SNX29: variants seen among roughly 807,000 people sequenced by gnomAD.
SNX29 encodes the protein sorting nexin-29.
A neutral mutation model predicts 102.1 loss-of-function variants in SNX29; 78 were observed. The observed-to-expected ratio is 0.76, with a 90% CI of 0.64 to 0.92. The LOEUF is 0.92. Among genes scored for constraint, SNX29 ranks in the 40% least tolerant of loss-of-function variants. SNX29 has a pLI of 0.00. For missense variants in SNX29, 1,280 were observed against 1,061.7 expected, an observed-to-expected ratio of 1.21 and a Z score of -2.86; for synonymous variants, 580 against 414.5, an observed-to-expected ratio of 1.40 and a Z score of -4.85.
At position 12,568,826 on chromosome 16, in the gene SNX29, C is replaced by G. The variant is rs572996130; in HGVS notation, c.*197C>G. The G allele has an allele frequency of 1.6e-4, 137 of 838,728 alleles. 1 individual carries two copies. In the African/African-American group the frequency reaches 2.0e-3, roughly 13 times the overall value. 52.0% of individuals were successfully genotyped at this position (838,728 alleles called of 1,614,324 possible). On this transcript the variant is annotated 3_prime_UTR_variant, in exon 21 of 21. Coordinates refer to ENST00000566228, the MANE Select transcript of SNX29 (RefSeq NM_032167.5). ...CCGCATGATACCGTGACCCGAGAGACCAAGGCAGCACCTCGCTGGAGAGAC... is the reference window on the plus strand; with the variant it reads ...CCGCATGATACCGTGACCCGAGAGAGCAAGGCAGCACCTCGCTGGAGAGAC...
chr16:12,280,354 G>A (rs917297105), intron 15 of SNX29, among the ~76,000 whole-genome samples: 4 of 152,204 alleles, frequency 2.6e-5, no homozygotes, highest in African/African-American at 7.2e-5. Context: ...GCTGACCTGA[G>A]CTGAGATGTG....
intron 3 of SNX29, among the ~76,000 whole-genome samples, chr16:12,019,109 A>G (rs1375051936): frequency 6.6e-6 from 1 of 152,244 alleles, no homozygotes; most frequent in East Asian, 1.9e-4. Context: ...CAAGGCAATA[A>G]TATTTCTGGT....
chr16:12,085,357 C>T (rs9932834), intron 11 of SNX29, among the ~76,000 whole-genome samples: 2,202 of 152,272 alleles, frequency 0.014, 58 homozygotes, highest in African/African-American at 0.049. Flanking sequence ...GACGGCGTCT[C>T]GCTCTGTTGG....
In SNX29 at chr16:12,571,358, T is replaced by A. The variant is rs1055924436; in HGVS notation, c.*2729T>A. The stretch of plus-strand genomic sequence containing the variant: ...AATTCTGAGGGCTAAGCCACGACCT[T>A]ATCCATGAGTGGCGAAGACACCCCT... On this transcript the variant is annotated 3_prime_UTR_variant, in exon 21 of 21. Transcript: ENST00000566228. 1 of 231,196 alleles carries A rather than the reference T, an allele frequency of 4.3e-6. No homozygotes were observed. Among genetic ancestry groups the A allele is most frequent in the African/African-American group, 2.2e-5 (1 of 45,202 alleles). 14.3% of individuals were successfully genotyped at this position (231,196 alleles called of 1,614,324 possible). A position where few individuals can be genotyped will look rare whatever the true frequency, so the allele number is the denominator to read the frequency against.
At chr16:12,549,148 C>G (rs865952140) in intron 20 of SNX29, among the ~76,000 whole-genome samples, 3 of 151,888 alleles carry the variant, frequency 2.0e-5, no homozygotes, top group Non-Finnish European at 1.5e-5. Context: ...TTTGATTTAG[C>G]AGTTATCACA....
At chr16:12,449,388 T>C (rs562404067) in intron 18 of SNX29, among the ~76,000 whole-genome samples, 31 of 151,924 alleles carry the variant, frequency 2.0e-4, no homozygotes, top group Non-Finnish European at 3.4e-4. Context: ...ACAGGGATCA[T>C]GGCATATGTG....
chr16:12,468,911 C>T (rs1468376070), intron 18 of SNX29, among the ~76,000 whole-genome samples: 26 of 152,234 alleles, frequency 1.7e-4, no homozygotes, highest in Non-Finnish European at 1.5e-5. Flanking sequence ...TCTTTGGGCA[C>T]TTCCGGCCAT....
At chr16:12,531,491 G>A (rs1597773508) in intron 20 of SNX29, among the ~76,000 whole-genome samples, 1 of 152,332 alleles carries the variant, frequency 6.6e-6, no homozygotes, top group South Asian at 2.1e-4. Flanking sequence ...CCTACCAAGA[G>A]GGGACGTGGG....
chr16:12,187,516 C>G (rs1181999814), intron 13 of SNX29, among the ~76,000 whole-genome samples: 2 of 151,792 alleles, frequency 1.3e-5, no homozygotes. Flanking sequence ...CCACTGCACT[C>G]CAGCCTGGGT....
At chr16:12,054,546 C>T (rs1242144035) in intron 8 of SNX29, among the ~76,000 whole-genome samples, 4 of 152,212 alleles carry the variant, frequency 2.6e-5, no homozygotes, top group African/African-American at 7.2e-5. Flanking sequence ...TTCCTTTCCG[C>T]CTGCTAGCTT....
At chr16:12,487,543 A>C (rs551568044) in intron 19 of SNX29, among the ~76,000 whole-genome samples, 4 of 152,182 alleles carry the variant, frequency 2.6e-5, no homozygotes, top group Admixed American at 1.3e-4. Flanking sequence ...GAACTCTGCA[A>C]ATGCCGCCGC....
rs145442850 is a variant in SNX29, at chr16:12,425,402, A to T, written c.2037+21873A>T. On this transcript the variant is annotated intron_variant, in intron 18 of 20. Coordinates refer to ENST00000566228, the MANE Select transcript of SNX29 (RefSeq NM_032167.5). ...GGCCTCTGGTCTCTGGATGATGCCC[A>T]TGTATTTATCACTTAGTCACCGGAG... 2.8e-4 allele frequency among the ~76,000 whole-genome samples: 42 copies of T among 152,152 alleles called. No homozygotes were observed. The East Asian group carries it at 6.4e-3, about 23-fold the overall frequency.
At chr16:12,520,973 C>T (rs937109459) in intron 19 of SNX29, among the ~76,000 whole-genome samples, 7 of 152,014 alleles carry the variant, frequency 4.6e-5, no homozygotes, top group African/African-American at 1.5e-4. Flanking sequence ...CTGAGGTGGG[C>T]GGATCACTTG....
intron 18 of SNX29, among the ~76,000 whole-genome samples, chr16:12,467,098 C>T (rs2087090460): frequency 1.3e-5 from 2 of 152,196 alleles, no homozygotes; most frequent in Admixed American, 6.5e-5. Flanking sequence ...CAGACCTGGG[C>T]TTCAGTCCTT....
intron 7 of SNX29, among the ~76,000 whole-genome samples, chr16:12,048,837 TC>T (rs1263304036): frequency 6.6e-6 from 1 of 152,124 alleles, no homozygotes; most frequent in Non-Finnish European, 1.5e-5. Flanking sequence ...AATGAACAGC[TC>T]AACCATAGCA....
chr16:11,980,619 G>T (rs530417839), intron 1 of SNX29, among the ~76,000 whole-genome samples: 7 of 152,154 alleles, frequency 4.6e-5, no homozygotes, highest in African/African-American at 9.7e-5. Context: ...ACCATTTTCA[G>T]TTCTCACCAG....
chr16:12,562,588 C>T (rs145289598), intron 20 of SNX29, among the ~76,000 whole-genome samples: 79 of 152,266 alleles, frequency 5.2e-4, no homozygotes, highest in Admixed American at 3.3e-3. Context: ...TACCCAGAGA[C>T]GGGGACAAAG....
chr16:12,492,484 T>C (rs1428031077), intron 19 of SNX29, among the ~76,000 whole-genome samples: 1 of 152,226 alleles, frequency 6.6e-6, no homozygotes, highest in Non-Finnish European at 1.5e-5. Context: ...GCAGGTTGCC[T>C]GTTCACTCTG....
chr16:12,380,013 A>G (rs530241413), intron 16 of SNX29, among the ~76,000 whole-genome samples: 9 of 152,260 alleles, frequency 5.9e-5, no homozygotes, highest in Admixed American at 3.9e-4. Context: ...AGATTCTGGT[A>G]TATGACCTCT....
Sources: allele counts gnomAD v4.1 joint callset (sites outside exome capture counted in the v4.1 genomes callset), GRCh38; gene constraint gnomAD v4.1.1; transcripts MANE v1.5; gene names NCBI Gene and HGNC (gene_info 2026-07-23, HGNC 2026-07-21).